The following ZNF462 variants were observed in gnomAD, a reference collection of about 807,000 sequenced individuals.
The protein encoded by ZNF462 is zinc finger protein 462.
Under a neutral mutation model 201.9 loss-of-function variants are expected in ZNF462, and 10 were observed. The observed-to-expected ratio is 0.05, with a 90% CI of 0.03 to 0.08. The LOEUF (loss-of-function observed/expected upper bound fraction) is 0.08. Among genes scored for constraint, ZNF462 ranks in the 10% least tolerant of loss-of-function variants. The pLI is 1.00. For synonymous variants in ZNF462, 1,227 were observed against 1,193.3 expected (o/e 1.03, Z -0.58); for missense variants, 2,523 against 3,168.3 (o/e 0.80, Z 4.89).
In ZNF462 at chr9:106,963,883, G is replaced by C. The variant is rs976715259; in HGVS notation, c.6428-8122G>C. 8.6e-5 allele frequency among the ~76,000 whole-genome samples: 13 copies of C among 151,962 alleles called. No individual in the cohort carries two copies. The highest frequency in any genetic ancestry group is 2.0e-4 in the Admixed American group (3 of 15,240). On this transcript the variant is annotated intron_variant, in intron 7 of 12. Coordinates refer to ENST00000277225, the MANE Select transcript of ZNF462 (RefSeq NM_021224.6). The surrounding 1 kb of genome is among the most constrained non-coding windows in gnomAD (Gnocchi z 4.7). ...AGCCCCTGGCAACCACCATTCTACT[G>C]TCTGTCTGTATGGGTTTGACTGCTC...
Position 106,984,190 on chromosome 9 carries a change from G to A in ZNF462, c.6837G>A (p.Glu2279=), listed in dbSNP as rs748650930. 11 of 1,612,312 alleles carry A rather than the reference G, an allele frequency of 6.8e-6. No homozygotes were observed. The highest frequency in any genetic ancestry group is 3.3e-5 in the South Asian group (3 of 90,630). Residue 2279 remains glutamate, a synonymous_variant, in exon 10 of 13, where the codon GAG becomes GAA. Transcript: ENST00000277225. This position sits in a 1 kb window ranked among gnomAD's most constrained non-coding sequence, Gnocchi z 6.4. ...CCATTCAATTTGTTTCCACAGAAGA[G>A]CGTGTTGTCCCCATTGAAGTTTGCC... ...MIDHIVLHRE[E]RVVPIEVCRS...
intron 1 of ZNF462, among the ~76,000 whole-genome samples, chr9:106,906,307 T>A (rs1829272254): frequency 6.6e-6 from 1 of 152,166 alleles, no homozygotes; most frequent in Admixed American, 6.5e-5. Flanking sequence ...CCTCTTGGGA[T>A]TGCTGGTTTG....
chr9:107,002,542 T>C (rs1564166559), intron 10 of ZNF462, among the ~76,000 whole-genome samples: 1 of 152,198 alleles, frequency 6.6e-6, no homozygotes, highest in Non-Finnish European at 1.5e-5. Context: ...TTAGTGTAGA[T>C]TTTTGTTCCC....
chr9:106,924,062 G>A lies in ZNF462; in HGVS notation c.221-71G>A. On this transcript the variant is annotated intron_variant, in intron 2 of 12. Transcript: ENST00000277225. This position sits in a 1 kb window ranked among gnomAD's most constrained non-coding sequence, Gnocchi z 6.2. ...TTTAGTAATGAAGAATAATTGGAAT[G>A]GTACTGATTTGCATGATTGGATATT... The A allele has an allele frequency of 1.6e-6, 2 of 1,266,232 alleles. No homozygotes were observed. Among genetic ancestry groups the A allele is most frequent in the African/African-American group, 3.0e-5 (2 of 66,672 alleles). 78.4% of individuals were successfully genotyped at this position (1,266,232 alleles called of 1,614,324 possible).
chr9:106,956,192 GA>G (rs1831566073), intron 7 of ZNF462, among the ~76,000 whole-genome samples: 1 of 152,050 alleles, frequency 6.6e-6, no homozygotes. Context: ...AGTAACTCTT[GA>G]AATGGAAATT....
rs773248792 is a variant in ZNF462 at position 106,972,334 on chromosome 9, G to T, written c.6695+62G>T. On this transcript the variant is annotated intron_variant, in intron 8 of 12. Transcript: ENST00000277225. The surrounding 1 kb of genome is among the most constrained non-coding windows in gnomAD (Gnocchi z 4.8). ...GGCCGCCCCTGCTCCACCCCTCACTGCAGGCTTCCCTTACACTTTCCTACT... is the reference window on the plus strand; with the variant it reads ...GGCCGCCCCTGCTCCACCCCTCACTTCAGGCTTCCCTTACACTTTCCTACT... 4.6e-5 allele frequency: 72 copies of T among 1,563,464 alleles called. No individual in the cohort carries two copies. Among genetic ancestry groups the T allele is most frequent in the Non-Finnish European group, 5.5e-5 (64 of 1,155,110 alleles).
chr9:106,996,625 T>G (rs1057262334), intron 10 of ZNF462, among the ~76,000 whole-genome samples: 2 of 152,214 alleles, frequency 1.3e-5, no homozygotes, highest in African/African-American at 4.8e-5. Context: ...TTGAGAAGTG[T>G]CTGTTCATAT....
rs1324751055 is a variant in ZNF462 at position 106,924,623 on chromosome 9, C to G, written c.711C>G (p.Thr237=). Residue 237 remains threonine, a synonymous_variant, in exon 3 of 13, where the codon ACC becomes ACG. Transcript: ENST00000277225. The surrounding 1 kb of genome is among the most constrained non-coding windows in gnomAD (Gnocchi z 6.2). ...SILESMVKPL[T]KSRGNFCCEW... Reference sequence around the variant, plus strand: ...TAGAGTCTATGGTCAAGCCTTTGACCAAATCTCGAGGCAACTTTTGTTGTG... The same window carrying G: ...TAGAGTCTATGGTCAAGCCTTTGACGAAATCTCGAGGCAACTTTTGTTGTG... 1.5e-5 allele frequency: 25 copies of G among 1,613,978 alleles called. No homozygotes were observed. The highest frequency in any genetic ancestry group is 2.0e-5 in the Non-Finnish European group (24 of 1,180,018).
At position 106,913,723 on chromosome 9, in the gene ZNF462, G is replaced by T. The variant is rs916718079; in HGVS notation, c.-30-9631G>T. Among the ~76,000 whole-genome samples the T allele has an allele frequency of 6.9e-6, 1 of 144,854 alleles. No individual in the cohort carries two copies. The highest frequency in any genetic ancestry group is 2.5e-5 in the African/African-American group (1 of 40,776). ...AACAGTTTTCCTGCCTCAGCCTCCC[G>T]AGTAGCTGGGATTACAGGCACCTGC... On this transcript the variant is annotated intron_variant, in intron 1 of 12. Transcript: ENST00000277225. This position sits in a 1 kb window ranked among gnomAD's most constrained non-coding sequence, Gnocchi z 4.1.
rs1830101072 is a variant in ZNF462, at chr9:106,924,329, A to T, written c.417A>T (p.Ser139=). The change falls in exon 3 of 13, where the codon TCA becomes TCT. Residue 139 remains serine (S), a synonymous_variant. Coordinates refer to ENST00000277225, the MANE Select transcript of ZNF462 (RefSeq NM_021224.6). The surrounding 1 kb of genome is among the most constrained non-coding windows in gnomAD (Gnocchi z 6.2). ...ATGGAGCTCAAGCTGAAGGGAGTTC[A>T]TCAGGACCCCCTGTCCCGGGATCCT... ...KVHGAQAEGS[S]SGPPVPGSLN... The T allele has an allele frequency of 6.2e-7, 1 of 1,614,074 alleles. No homozygotes were observed.
chr9:106,947,967 C>A (rs1474873296), intron 7 of ZNF462, among the ~76,000 whole-genome samples: 1 of 152,088 alleles, frequency 6.6e-6, no homozygotes, highest in Non-Finnish European at 1.5e-5. Context: ...AGTTAAAAGA[C>A]CAGAATAGAA....
Position 106,970,920 on chromosome 9 carries a change from C to T in ZNF462, c.6428-1085C>T, listed in dbSNP as rs1369805229. On this transcript the variant is annotated intron_variant, in intron 7 of 12. Transcript: ENST00000277225. This position sits in a 1 kb window ranked among gnomAD's most constrained non-coding sequence, Gnocchi z 4.2. ...ATTTCTCCACCGCATGCCATTGAAG[C>T]TTCTCGGGGTTAAGATTTGTGCCTG... 6.6e-6 allele frequency among the ~76,000 whole-genome samples: 1 copy of T among 151,892 alleles called. No homozygotes were observed. Among genetic ancestry groups the T allele is most frequent in the Admixed American group, 6.6e-5 (1 of 15,238 alleles).
Position 106,927,464 on chromosome 9 carries a change from T to A in ZNF462, c.3552T>A (p.Asp1184Glu), listed in dbSNP as rs763891796. 6.2e-7 allele frequency: 1 copy of A among 1,612,284 alleles called. No individual in the cohort carries two copies. Among genetic ancestry groups the A allele is most frequent in the African/African-American group, 1.4e-5 (1 of 74,056 alleles). The change falls in exon 3 of 13, where the codon GAT becomes GAA. Residue 1184 changes from aspartate to glutamate, a missense_variant. Physicochemically the swap from Asp to Glu is conservative, Grantham distance 45. Around this residue, in one of 15 missense-constraint regions of ZNF462, gnomAD observed 222 missense variants for 271.6 expected, o/e 0.82. Coordinates refer to ENST00000277225, the MANE Select transcript of ZNF462 (RefSeq NM_021224.6). ...QQLNRSSSER[D>E]GPPVENEMFF... ...TGAACCGAAGCAGCTCTGAGAGAGA[T>A]GGCCCTCCTGTGGAGAATGAGATGT...
At chr9:106,907,168 G>C (rs1352053785) in intron 1 of ZNF462, among the ~76,000 whole-genome samples, 1 of 152,030 alleles carries the variant, frequency 6.6e-6, no homozygotes, top group African/African-American at 2.4e-5. Flanking sequence ...AGGGATATTT[G>C]TTTAATGAGC....
chr9:106,928,719 C>A lies in ZNF462; in HGVS notation c.4807C>A (p.Pro1603Thr), dbSNP rs776467354. Reference protein sequence around the residue: ...KIHYEKYHNQPEFDVFSQSPP... With the variant: ...KIHYEKYHNQTEFDVFSQSPP... Reference sequence around the variant, plus strand: ...CCACTACGAGAAGTATCACAATCAGCCTGAATTTGATGTCTTTTCCCAGTC... The same window carrying A: ...CCACTACGAGAAGTATCACAATCAGACTGAATTTGATGTCTTTTCCCAGTC... The change falls in exon 3 of 13, where the codon CCT becomes ACT. Residue 1603 changes from proline (P) to threonine (T), a missense_variant. Physicochemically the swap from Pro to Thr is conservative, Grantham distance 38. Transcript: ENST00000277225. This position sits in a 1 kb window ranked among gnomAD's most constrained non-coding sequence, Gnocchi z 9.3. The A allele has an allele frequency of 1.2e-6, 2 of 1,614,136 alleles. No homozygotes were observed. The highest frequency in any genetic ancestry group is 1.7e-5 in the Admixed American group (1 of 60,022).
intron 7 of ZNF462, among the ~76,000 whole-genome samples, chr9:106,946,965 A>C (rs1236608335): frequency 6.6e-6 from 1 of 151,730 alleles, no homozygotes; most frequent in Non-Finnish European, 1.5e-5. Context: ...ATTTTTGTTA[A>C]CATGTTTTGT....
chr9:107,013,269 A>AT lies in ZNF462; in HGVS notation c.*2246dup, dbSNP rs1021384295. The AT allele has an allele frequency of 1.3e-5, 2 of 152,106 alleles. No homozygotes were observed. Among genetic ancestry groups the AT allele is most frequent in the African/African-American group, 2.4e-5 (1 of 41,454 alleles). 9.4% of individuals were successfully genotyped at this position (152,106 alleles called of 1,614,324 possible). On this transcript the variant is annotated 3_prime_UTR_variant, in exon 13 of 13. Transcript: ENST00000277225. ...ATCCTTTTAACAAGGCTAGAATGTCATTTTTTTCTTTTTCAAACATATACC... is the reference window on the plus strand; with the variant it reads ...ATCCTTTTAACAAGGCTAGAATGTCATTTTTTTTCTTTTTCAAACATATACC...
chr9:106,881,158 C>A (rs1005443722), intron 1 of ZNF462, among the ~76,000 whole-genome samples: 8 of 152,178 alleles, frequency 5.3e-5, no homozygotes, highest in African/African-American at 1.7e-4. Flanking sequence ...CTTGACCCTG[C>A]TCCATCATCA....
chr9:106,881,541 G>A (rs968110767), intron 1 of ZNF462, among the ~76,000 whole-genome samples: 3 of 152,176 alleles, frequency 2.0e-5, no homozygotes, highest in Admixed American at 6.5e-5. Flanking sequence ...ACATATAGTA[G>A]ACACACAAAA....
Sources: allele counts gnomAD v4.1 joint callset (sites outside exome capture counted in the v4.1 genomes callset), GRCh38; gene constraint gnomAD v4.1.1; regional missense constraint gnomAD v4.1.1; non-coding constraint Gnocchi (gnomAD v3.1); transcripts MANE v1.5; gene names NCBI Gene and HGNC (gene_info 2026-07-23, HGNC 2026-07-21).